The following CLN6 variants were observed in gnomAD, a reference collection of about 807,000 sequenced individuals.
CLN6 encodes the protein ceroid-lipofuscinosis neuronal protein 6.
In CLN6, 22 loss-of-function variants were observed where a neutral mutation model predicts 33.3. The ratio of observed to expected loss-of-function variants is 0.66; its 90% confidence interval spans 0.47 to 0.94. The LOEUF is 0.94. CLN6 is among the 40% of genes least tolerant of loss of function. The probability of loss-of-function intolerance (pLI) is 0.00; values close to 1 mark genes in which losing one functional copy is unlikely to be tolerated. For synonymous variants in CLN6, 201 were observed against 174.6 expected (o/e 1.15, Z -1.19); for missense variants, 387 against 417.1 (o/e 0.93, Z 0.63).
Position 68,213,996 on chromosome 15 carries a change from G to A in CLN6, c.297+294C>T, listed in dbSNP as rs1595819405. On this transcript the variant is annotated intron_variant, in intron 3 of 6. Transcript: ENST00000249806. ...AATGTTTTACGGTTTCCCAAGCACA[G>A]CCTTGTCTTTAGGTCCTTCTACCTG... The A allele has an allele frequency of 1.1e-5, 4 of 372,868 alleles. No individual in the cohort carries two copies. The East Asian group carries it at 2.4e-4, about 23-fold the overall frequency. 23.1% of individuals were successfully genotyped at this position (372,868 alleles called of 1,614,324 possible).
In CLN6 at chr15:68,241,777, G is replaced by A. The variant is rs918695292; in HGVS notation, c.179+14913C>T. 6.6e-6 allele frequency among the ~76,000 whole-genome samples: 1 copy of A among 152,156 alleles called. No homozygotes were observed. Among genetic ancestry groups the A allele is most frequent in the Non-Finnish European group, 1.5e-5 (1 of 68,038 alleles). Reference sequence around the variant, plus strand: ...CCCAGCCAGCCTATCCATACTGCCAGGATATCTGCTCTGGGACCTCCCCCA... The same window carrying A: ...CCCAGCCAGCCTATCCATACTGCCAAGATATCTGCTCTGGGACCTCCCCCA... On this transcript the variant is annotated intron_variant, in intron 1 of 6. Coordinates refer to the CLN6 transcript ENST00000538696. This position sits in a 1 kb window ranked among gnomAD's most constrained non-coding sequence, Gnocchi z 4.2.
chr15:68,237,428 C>A (rs998161959), intron 1 of CLN6, among the ~76,000 whole-genome samples: 4 of 152,160 alleles, frequency 2.6e-5, no homozygotes. Context: ...GTCGGGGCTG[C>A]AGTGAGCCAT....
intron 1 of CLN6, chr15:68,254,453 C>A: frequency 3.3e-6 from 1 of 303,012 alleles, no homozygotes; most frequent in South Asian, 3.2e-5. Flanking sequence ...ATGAAATACA[C>A]ACTGGAGTTT....
At chr15:68,215,162 C>G (rs907264008) in intron 2 of CLN6, 1 of 152,194 alleles carries the variant, frequency 6.6e-6, no homozygotes, top group Non-Finnish European at 1.5e-5. Flanking sequence ...ATAAGGCCCA[C>G]AAGTTTCAAG....
At chr15:68,234,612 GCCCGTT>G (rs1892200590), upstream of CLN6, among the ~76,000 whole-genome samples, 1 of 152,196 alleles carries the variant, frequency 6.6e-6, no homozygotes, top group Admixed American at 6.5e-5. This position sits in a 1 kb window ranked among gnomAD's most constrained non-coding sequence, Gnocchi z 4.1. Context: ...CTCTCTGCTA[GCCCGTT>G]CCCCTCCCGT....
Position 68,211,155 on chromosome 15 carries a change from C to A in CLN6, c.542+108G>T. On this transcript the variant is annotated intron_variant, in intron 5 of 6. Coordinates refer to ENST00000249806, the MANE Select transcript of CLN6 (RefSeq NM_017882.3). The surrounding 1 kb of genome is among the most constrained non-coding windows in gnomAD (Gnocchi z 5.9). ...CCTTTACAGGGGATGAGACTCAACA[C>A]ATGGAGACCCGCAGCCCAGACAGCC... 4 of 941,210 alleles carry A rather than the reference C, an allele frequency of 4.2e-6. No homozygotes were observed. Among genetic ancestry groups the A allele is most frequent in the Non-Finnish European group, 7.1e-6 (4 of 567,324 alleles). 58.3% of individuals were successfully genotyped at this position (941,210 alleles called of 1,614,324 possible).
rs1408338219 is a variant in CLN6 at position 68,236,576 on chromosome 15, T to C, written c.180-17926A>G. ...CTACAGAGACAGAAAGTAGACATAA[T>C]GGGGATAGAAGGAAGTTGATAGTGA... is the stretch of plus-strand genomic sequence containing the variant. On this transcript the variant is annotated intron_variant, in intron 1 of 6. Coordinates refer to the CLN6 transcript ENST00000538696. This position sits in a 1 kb window ranked among gnomAD's most constrained non-coding sequence, Gnocchi z 4.5. Among the ~76,000 whole-genome samples the C allele has an allele frequency of 6.6e-6, 1 of 152,142 alleles. No homozygotes were observed. The highest frequency in any genetic ancestry group is 1.5e-5 in the Non-Finnish European group (1 of 68,022).
At chr15:68,238,685 C>G (rs1032673702) in intron 1 of CLN6, among the ~76,000 whole-genome samples, 5 of 151,968 alleles carry the variant, frequency 3.3e-5, no homozygotes, top group African/African-American at 1.2e-4. Flanking sequence ...CAGAATAAAA[C>G]CGAGAGATTT....
At position 68,236,942 on chromosome 15, in the gene CLN6, G is replaced by A. The variant is rs186920664; in HGVS notation, c.180-18292C>T. 6.0e-5 allele frequency among the ~76,000 whole-genome samples: 9 copies of A among 150,848 alleles called. No homozygotes were observed. The highest frequency in any genetic ancestry group is 1.5e-5 in the Non-Finnish European group (1 of 67,732). Reference sequence around the variant, plus strand: ...GGAGGCCGAGGCGGGTGGATCATGAGGTCAGGAGATCGAGACCATCCTGGC... The same window carrying A: ...GGAGGCCGAGGCGGGTGGATCATGAAGTCAGGAGATCGAGACCATCCTGGC... On this transcript the variant is annotated intron_variant, in intron 1 of 6. Transcript: ENST00000538696. The surrounding 1 kb of genome is among the most constrained non-coding windows in gnomAD (Gnocchi z 4.5).
chr15:68,223,027 C>T (rs987689177), intron 1 of CLN6, among the ~76,000 whole-genome samples: 2 of 152,064 alleles, frequency 1.3e-5, no homozygotes, highest in African/African-American at 2.4e-5. Context: ...AAACCAGAGA[C>T]CTTTGTTCAC....
rs747711900 is a variant in CLN6, at chr15:68,214,378, G to A, written c.209C>T (p.Pro70Leu). 1.9e-6 allele frequency: 3 copies of A among 1,613,376 alleles called. No homozygotes were observed. Among genetic ancestry groups the A allele is most frequent in the Non-Finnish European group, 1.7e-6 (2 of 1,179,302 alleles). ...FGRPIAMLVF[P>L]LEWFPLNKPS... ...CTTGTTGAGTGGAAACCACTCGAGA[G>A]GGAATACCAGCTGCGGAGCAAATGG... The change falls in exon 3 of 7, where the codon CCT (proline) becomes CTT (leucine). Residue 70 changes from proline (P) to leucine (L), a missense_variant. Pro to Leu is a moderately conservative substitution (Grantham distance 98). Transcript: ENST00000249806.
intron 1 of CLN6, among the ~76,000 whole-genome samples, chr15:68,248,917 A>G (rs1441608709): frequency 6.6e-6 from 1 of 152,228 alleles, no homozygotes. Flanking sequence ...AGGGGGATTA[A>G]TAACCAGAAT....
chr15:68,233,553 T>G (rs912986360), upstream of CLN6, among the ~76,000 whole-genome samples: 1 of 152,208 alleles, frequency 6.6e-6, no homozygotes, highest in African/African-American at 2.4e-5. The surrounding 1 kb of genome is among the most constrained non-coding windows in gnomAD (Gnocchi z 4.3). Flanking sequence ...TCCAGTCTCT[T>G]AAGAGCTTTT....
At chr15:68,217,090 C>G (rs1212689515) in intron 2 of CLN6, among the ~76,000 whole-genome samples, 1 of 152,186 alleles carries the variant, frequency 6.6e-6, no homozygotes, top group Non-Finnish European at 1.5e-5. Context: ...TCGATGTTAG[C>G]CACTATTCTA....
At chr15:68,238,330 G>T (rs1394316170) in intron 1 of CLN6, among the ~76,000 whole-genome samples, 1 of 152,124 alleles carries the variant, frequency 6.6e-6, no homozygotes, top group African/African-American at 2.4e-5. Flanking sequence ...CTTGAATCAG[G>T]GAGTCAGAGG....
intron 2 of CLN6, chr15:68,215,267 G>GTC (rs35526123): frequency 0.47 from 71,207 of 150,804 alleles, 17,307 homozygotes; most frequent in Non-Finnish European, 0.55. Flanking sequence ...AGCAATCTCA[G>GTC]TCTCTCTCTC....
chr15:68,234,733 A>G lies in CLN6; in HGVS notation c.180-16083T>C, dbSNP rs1379901168. Among the ~76,000 whole-genome samples the G allele has an allele frequency of 1.3e-5, 2 of 152,136 alleles. No individual in the cohort carries two copies. Among genetic ancestry groups the G allele is most frequent in the South Asian group, 2.1e-4 (1 of 4,830 alleles). Reference sequence around the variant, plus strand: ...TTTCTTTCACTCTTAACAGTTGACAAAGGCCGGGCGCGGTGGCTCACGCAT... The same window carrying G: ...TTTCTTTCACTCTTAACAGTTGACAGAGGCCGGGCGCGGTGGCTCACGCAT... On this transcript the variant is annotated intron_variant, in intron 1 of 6. Transcript: ENST00000538696. This position sits in a 1 kb window ranked among gnomAD's most constrained non-coding sequence, Gnocchi z 4.1.
rs568707257 is a variant in CLN6, at chr15:68,219,943, GATTAA to G, written c.84-1298_84-1294del. ...GGTCCATGCTCAGCAACTACTGGCT[GATTAA>G]AACAGTCACAACGACCAGTTACTCC... On this transcript the variant is annotated intron_variant, in intron 1 of 6. Coordinates refer to ENST00000249806, the MANE Select transcript of CLN6 (RefSeq NM_017882.3). The surrounding 1 kb of genome is among the most constrained non-coding windows in gnomAD (Gnocchi z 4.2). 6.6e-6 allele frequency among the ~76,000 whole-genome samples: 1 copy of G among 152,334 alleles called. No individual in the cohort carries two copies. Among genetic ancestry groups the G allele is most frequent in the African/African-American group, 2.4e-5 (1 of 41,562 alleles).
In CLN6 at chr15:68,223,857, C is replaced by A. The variant is rs59074148; in HGVS notation, c.84-5207G>T. 3.6e-3 allele frequency among the ~76,000 whole-genome samples: 543 copies of A among 151,818 alleles called. 1 individual carries two copies. Among genetic ancestry groups the A allele is most frequent in the African/African-American group, 0.012 (495 of 41,392 alleles). On this transcript the variant is annotated intron_variant, in intron 1 of 6. Coordinates refer to ENST00000249806, the MANE Select transcript of CLN6 (RefSeq NM_017882.3). ...GGTCAGGAGTTCGAGACCAGCCTGG[C>A]CAACACAGTGAAACCCTGTCTCTAT...
Sources: gnomAD v4.1 joint callset for allele counts (sites outside exome capture counted in the v4.1 genomes callset) on GRCh38, gnomAD v4.1.1 for gene constraint, Gnocchi (gnomAD v3.1) non-coding constraint, MANE v1.5 for transcripts, NCBI Gene and HGNC (gene_info 2026-07-23, HGNC 2026-07-21) for gene names.